The following MCPH1 variants were observed in gnomAD, a reference collection of about 807,000 sequenced individuals.
The protein encoded by MCPH1 is microcephalin.
MCPH1 carries 104 observed loss-of-function variants against 84.5 expected under a neutral mutation model. That is an observed-to-expected ratio of 1.23 (90% CI 1.05 to 1.45). The LOEUF is 1.45. Among genes scored for constraint, MCPH1 ranks in the 40% most tolerant of loss-of-function variants. The probability of loss-of-function intolerance (pLI) is 0.00; values close to 1 mark genes in which losing one functional copy is unlikely to be tolerated. For synonymous variants in MCPH1, 514 were observed against 366.8 expected, an observed-to-expected ratio of 1.40 and a Z score of -4.58; for missense variants, 1,498 against 1,005.7, an observed-to-expected ratio of 1.49 and a Z score of -6.62.
intron 8 of MCPH1, among the ~76,000 whole-genome samples, chr8:6,451,592 G>C (rs1805091441): frequency 6.6e-6 from 1 of 152,160 alleles, no homozygotes; most frequent in African/African-American, 2.4e-5. Context: ...AATGAACAAA[G>C]TGAACTTGAT....
At chr8:6,517,753 A>C (rs1485623149) in intron 12 of MCPH1, among the ~76,000 whole-genome samples, 1 of 152,170 alleles carries the variant, frequency 6.6e-6, no homozygotes, top group Admixed American at 6.5e-5. Flanking sequence ...AGCTCTCAGA[A>C]AGGTTAAATG....
At chr8:6,587,974 A>G (rs1191645020) in intron 12 of MCPH1, among the ~76,000 whole-genome samples, 1 of 152,128 alleles carries the variant, frequency 6.6e-6, no homozygotes, top group African/African-American at 2.4e-5. Flanking sequence ...GCTCCCCTCA[A>G]CCTGACGCAT....
At position 6,602,197 on chromosome 8, in the gene MCPH1, C is replaced by T. The variant is rs1461964602; in HGVS notation, c.2215-19257C>T. Among the ~76,000 whole-genome samples the T allele has an allele frequency of 4.6e-5, 7 of 152,172 alleles. No individual in the cohort carries two copies. In the South Asian group the frequency reaches 6.2e-4, roughly 14 times the overall value. ...AGCAGAAAGACTTAGGAAGGGTGCTCGCTAGCGAGGAGGGAGGCAACAAGG... is the reference window on the plus strand; with the variant it reads ...AGCAGAAAGACTTAGGAAGGGTGCTTGCTAGCGAGGAGGGAGGCAACAAGG... On this transcript the variant is annotated intron_variant, in intron 12 of 13. Coordinates refer to ENST00000344683, the MANE Select transcript of MCPH1 (RefSeq NM_024596.5).
intron 13 of MCPH1, among the ~76,000 whole-genome samples, chr8:6,636,032 T>C (rs1797523843): frequency 6.6e-6 from 1 of 152,178 alleles, no homozygotes; most frequent in Middle Eastern, 3.2e-3. Context: ...GACTGCTTGG[T>C]AGTAGCATAT....
Position 6,644,676 on chromosome 8 carries a change from TC to T in MCPH1, c.*1630del, listed in dbSNP as rs1798127593. On this transcript the variant is annotated 3_prime_UTR_variant, in exon 14 of 14. Transcript: ENST00000344683. Reference sequence around the variant, plus strand: ...GGAGAACCATAAACGAGATGCTGAGTCCCAGCGAGGTCGGAGGTGCCACTGA... The same window carrying T: ...GGAGAACCATAAACGAGATGCTGAGTCCAGCGAGGTCGGAGGTGCCACTGA... 1 of 152,088 alleles carries T rather than the reference TC, an allele frequency of 6.6e-6. No homozygotes were observed. Among genetic ancestry groups the T allele is most frequent in the African/African-American group, 2.4e-5 (1 of 41,408 alleles). 9.4% of individuals were successfully genotyped at this position (152,088 alleles called of 1,614,324 possible).
At chr8:6,501,038 T>C (rs1398653913) in intron 12 of MCPH1, 1 of 152,244 alleles carries the variant, frequency 6.6e-6, no homozygotes, top group Non-Finnish European at 1.5e-5. Flanking sequence ...GTTTTTCAAC[T>C]TGATACAAGG....
chr8:6,488,618 T>A (rs1194704981), intron 11 of MCPH1, among the ~76,000 whole-genome samples: 1 of 152,182 alleles, frequency 6.6e-6, no homozygotes, highest in Admixed American at 6.5e-5. Flanking sequence ...GCCCGGGTCC[T>A]AAGGCTGCAC....
intron 11 of MCPH1, among the ~76,000 whole-genome samples, chr8:6,498,426 A>G (rs1357761498): frequency 6.6e-6 from 1 of 152,216 alleles, no homozygotes; most frequent in African/African-American, 2.4e-5. Context: ...GTTTTCTCCT[A>G]TCTCTATGCA....
intron 12 of MCPH1, chr8:6,519,748 G>T: frequency 3.0e-6 from 4 of 1,351,874 alleles, no homozygotes; most frequent in Non-Finnish European, 4.1e-6. Context: ...CTATGGCTTT[G>T]TACTGTGTGA....
intron 12 of MCPH1, among the ~76,000 whole-genome samples, chr8:6,536,534 C>T (rs1820532877): frequency 6.6e-6 from 1 of 152,106 alleles, no homozygotes; most frequent in South Asian, 2.1e-4. Context: ...CAGAAAAGCC[C>T]AGAATTAAAG....
chr8:6,559,543 C>CATTAA (rs370177990), intron 12 of MCPH1, among the ~76,000 whole-genome samples: 2 of 142,914 alleles, frequency 1.4e-5, no homozygotes, highest in Non-Finnish European at 3.1e-5. Context: ...GAAATGTTTG[C>CATTAA]CTCCGTAGTA....
chr8:6,463,655 G>T (rs1264982357), intron 9 of MCPH1, among the ~76,000 whole-genome samples: 1 of 152,120 alleles, frequency 6.6e-6, no homozygotes, highest in Non-Finnish European at 1.5e-5. Context: ...GGCCAGCTAG[G>T]GGCAGGAGGA....
intron 11 of MCPH1, among the ~76,000 whole-genome samples, chr8:6,493,253 A>C (rs576850674): frequency 6.6e-6 from 1 of 152,228 alleles, no homozygotes; most frequent in Non-Finnish European, 1.5e-5. Context: ...CTGAGCAGTT[A>C]AGCCTTAACA....
intron 12 of MCPH1, among the ~76,000 whole-genome samples, chr8:6,580,981 TA>T (rs1468199404): frequency 1.4e-4 from 21 of 152,196 alleles, no homozygotes; most frequent in African/African-American, 4.3e-4. Flanking sequence ...AATACAACAA[TA>T]AAAAAGTACA....
At chr8:6,542,024 A>C (rs1276122498) in intron 12 of MCPH1, among the ~76,000 whole-genome samples, 3 of 151,940 alleles carry the variant, frequency 2.0e-5, no homozygotes, top group Admixed American at 1.3e-4. Flanking sequence ...AAAAAAAAAA[A>C]AGTACTGAAT....
At chr8:6,536,480 A>G (rs1820523401) in intron 12 of MCPH1, among the ~76,000 whole-genome samples, 1 of 152,164 alleles carries the variant, frequency 6.6e-6, no homozygotes, top group Non-Finnish European at 1.5e-5. Context: ...CCTTAAGAAA[A>G]CAGACAGACC....
chr8:6,475,293 G>A (rs1025953820), intron 9 of MCPH1, among the ~76,000 whole-genome samples: 4 of 152,216 alleles, frequency 2.6e-5, no homozygotes, highest in Admixed American at 6.5e-5. Flanking sequence ...TGCCCTTCAC[G>A]GGCACTCCTT....
intron 8 of MCPH1, among the ~76,000 whole-genome samples, chr8:6,453,038 G>A (rs535720659): frequency 6.6e-6 from 1 of 152,202 alleles, no homozygotes; most frequent in Admixed American, 6.5e-5. Context: ...GACTTTATGG[G>A]AAGTGATGAA....
chr8:6,613,311 C>T (rs886772756), intron 12 of MCPH1, among the ~76,000 whole-genome samples: 5 of 152,218 alleles, frequency 3.3e-5, no homozygotes, highest in Non-Finnish European at 5.9e-5. Flanking sequence ...GAGGGCCACA[C>T]GGCCAACGGT....
Sources: allele counts gnomAD v4.1 joint callset (sites outside exome capture counted in the v4.1 genomes callset), GRCh38; gene constraint gnomAD v4.1.1; transcripts MANE v1.5; gene names NCBI Gene and HGNC (gene_info 2026-07-23, HGNC 2026-07-21).